The following ELP4 variants were observed in gnomAD, a reference collection of about 807,000 sequenced individuals.
ELP4 encodes elongator complex protein 4.
Under a neutral mutation model 48.9 loss-of-function variants are expected in ELP4, and 51 were observed. That is an observed-to-expected ratio of 1.04 (90% CI 0.83 to 1.32). The LOEUF is 1.32. Ranked by LOEUF, ELP4 falls within the 40% of genes most tolerant of loss-of-function variation. The probability of loss-of-function intolerance (pLI) is 0.00; values close to 1 mark genes in which losing one functional copy is unlikely to be tolerated. For synonymous variants in ELP4, 210 were observed against 189.2 expected, an observed-to-expected ratio of 1.11 and a Z score of -0.90; for missense variants, 519 against 514.6, an observed-to-expected ratio of 1.01 and a Z score of -0.08.
chr11:31,734,013 T>C lies in ELP4; in HGVS notation c.1144-49380T>C, dbSNP rs1947250403. ...ATTCAACAACACAGTAAAAGAATCA[T>C]ACATCATACCAAATGGAATTTATCC... On this transcript the variant is annotated intron_variant, in intron 9 of 9. Transcript: ENST00000640961. Among the ~76,000 whole-genome samples, 6 of 152,180 alleles carry C rather than the reference T, an allele frequency of 3.9e-5. No homozygotes were observed. In the South Asian group the frequency reaches 1.2e-3, roughly 32 times the overall value.
At chr11:31,514,611 C>G (rs1956073478) in intron 1 of ELP4, among the ~76,000 whole-genome samples, 1 of 152,134 alleles carries the variant, frequency 6.6e-6, no homozygotes, top group Admixed American at 6.5e-5. Flanking sequence ...TTTGCTTACC[C>G]TATTACTTAT....
At chr11:31,621,501 C>G (rs527345481) in intron 5 of ELP4, among the ~76,000 whole-genome samples, 1 of 151,792 alleles carries the variant, frequency 6.6e-6, no homozygotes, top group African/African-American at 2.4e-5. Context: ...GAGAAAATTT[C>G]GAAGACCAGA....
intron 9 of ELP4, among the ~76,000 whole-genome samples, chr11:31,662,198 GT>G (rs1945573006): frequency 6.6e-6 from 1 of 151,952 alleles, no homozygotes; most frequent in Admixed American, 6.6e-5. Context: ...GTGTAATTCA[GT>G]CAAAAACAAA....
intron 7 of ELP4, among the ~76,000 whole-genome samples, chr11:31,640,601 G>T (rs935920825): frequency 3.3e-5 from 5 of 151,884 alleles, no homozygotes; most frequent in Non-Finnish European, 7.4e-5. Flanking sequence ...TTAATGTTGG[G>T]AAGGACAGGG....
intron 9 of ELP4, among the ~76,000 whole-genome samples, chr11:31,721,027 T>C (rs1946948887): frequency 6.6e-6 from 1 of 152,240 alleles, no homozygotes; most frequent in Non-Finnish European, 1.5e-5. Flanking sequence ...ATTTTGTATT[T>C]AGAGTCTTGG....
intron 5 of ELP4, among the ~76,000 whole-genome samples, chr11:31,608,769 C>A (rs1592155292): frequency 1.3e-5 from 2 of 152,060 alleles, no homozygotes; most frequent in African/African-American, 2.4e-5. Context: ...AGACAGGGAA[C>A]AAGTAAGGGA....
At chr11:31,700,312 G>A (rs1434606203) in intron 9 of ELP4, among the ~76,000 whole-genome samples, 1 of 151,800 alleles carries the variant, frequency 6.6e-6, no homozygotes, top group Non-Finnish European at 1.5e-5. Context: ...GTTTTGTTCT[G>A]GCATACTTTT....
chr11:31,562,130 A>G (rs562511617), intron 3 of ELP4, among the ~76,000 whole-genome samples: 213 of 152,234 alleles, frequency 1.4e-3, no homozygotes, highest in African/African-American at 4.6e-3. Context: ...CAACCTCACT[A>G]CCAGATTGGG....
intron 3 of ELP4, among the ~76,000 whole-genome samples, chr11:31,548,830 T>C (rs1381611407): frequency 2.0e-5 from 3 of 152,162 alleles, no homozygotes; most frequent in Non-Finnish European, 4.4e-5. Context: ...GAAAAAATGC[T>C]GCATATCTAC....
At position 31,594,167 on chromosome 11, in the gene ELP4, T is replaced by C. The variant is rs577164086; in HGVS notation, c.382-603T>C. ...TCTAGTTTTTTATGTATTTTATGGTTATGAAGTTGGTCACCTTCCAAAATT... is the reference window on the plus strand; with the variant it reads ...TCTAGTTTTTTATGTATTTTATGGTCATGAAGTTGGTCACCTTCCAAAATT... On this transcript the variant is annotated intron_variant, in intron 3 of 9. Coordinates refer to ENST00000640961, the MANE Select transcript of ELP4 (RefSeq NM_019040.5). Among the ~76,000 whole-genome samples the C allele has an allele frequency of 5.4e-4, 83 of 152,308 alleles. 1 individual carries two copies. Among genetic ancestry groups the C allele is most frequent in the South Asian group, 2.9e-3 (14 of 4,830 alleles).
At chr11:31,693,124 C>T (rs962834668) in intron 9 of ELP4, among the ~76,000 whole-genome samples, 5 of 151,894 alleles carry the variant, frequency 3.3e-5, no homozygotes, top group Admixed American at 6.6e-5. Context: ...AAAGGAGTAA[C>T]GTGCTGAATG....
chr11:31,752,124 G>A (rs1464734555), intron 9 of ELP4, among the ~76,000 whole-genome samples: 5 of 152,132 alleles, frequency 3.3e-5, no homozygotes, highest in Admixed American at 2.0e-4. Flanking sequence ...AAATAGAACA[G>A]TGTCAGGTGG....
chr11:31,639,704 CAGTA>C (rs1945051857), intron 7 of ELP4, among the ~76,000 whole-genome samples: 1 of 151,742 alleles, frequency 6.6e-6, no homozygotes, highest in African/African-American at 2.4e-5. Context: ...TTTAAATCGT[CAGTA>C]AGGATATATT....
intron 9 of ELP4, among the ~76,000 whole-genome samples, chr11:31,680,202 A>G (rs1946027023): frequency 6.6e-6 from 1 of 152,196 alleles, no homozygotes; most frequent in Non-Finnish European, 1.5e-5. Flanking sequence ...GACACCTTCC[A>G]AGTTCATTAC....
chr11:31,745,980 G>A (rs1469405422), intron 9 of ELP4, among the ~76,000 whole-genome samples: 1 of 152,126 alleles, frequency 6.6e-6, no homozygotes, highest in African/African-American at 2.4e-5. Context: ...GAAAATTTTT[G>A]CAACCTACTC....
intron 9 of ELP4, among the ~76,000 whole-genome samples, chr11:31,715,981 A>C (rs1219545624): frequency 1.3e-5 from 2 of 152,118 alleles, no homozygotes; most frequent in African/African-American, 2.4e-5. Flanking sequence ...ATTTCATGTA[A>C]TGTTAGAGAT....
chr11:31,616,370 AAAAAAT>A (rs1944483983), intron 5 of ELP4, among the ~76,000 whole-genome samples: 1 of 152,042 alleles, frequency 6.6e-6, no homozygotes, highest in African/African-American at 2.4e-5. Flanking sequence ...TCTACATGCA[AAAAAAT>A]AAAAATAAAA....
intron 5 of ELP4, among the ~76,000 whole-genome samples, chr11:31,612,436 A>C (rs149246747): frequency 1.3e-5 from 2 of 152,286 alleles, no homozygotes; most frequent in East Asian, 3.9e-4. Context: ...GTGCCAGTCT[A>C]TCAGATTGTG....
chr11:31,660,436 A>C (rs925187497), intron 9 of ELP4, among the ~76,000 whole-genome samples: 13 of 152,204 alleles, frequency 8.5e-5, no homozygotes, highest in Non-Finnish European at 1.5e-4. Flanking sequence ...CCTGTAAATA[A>C]ATGGGTAAAC....
Sources: gnomAD v4.1 joint callset for allele counts (sites outside exome capture counted in the v4.1 genomes callset) on GRCh38, gnomAD v4.1.1 for gene constraint, MANE v1.5 for transcripts, NCBI Gene and HGNC (gene_info 2026-07-23, HGNC 2026-07-21) for gene names.